Variants in SEZ6L observed in about 807,000 individuals in gnomAD.
SEZ6L encodes the protein seizure related 6 homolog like.
A neutral mutation model predicts 106.2 loss-of-function variants in SEZ6L; 37 were observed. That is an observed-to-expected ratio of 0.35 (90% CI 0.27 to 0.46). SEZ6L has a LOEUF of 0.46. SEZ6L is among the 20% of genes least tolerant of loss of function. The pLI is 1.00. For missense variants in SEZ6L, 1,172 were observed against 1,332.8 expected (o/e 0.88, Z 1.88); for synonymous variants, 541 against 570.4 (o/e 0.95, Z 0.73).
intron 11 of SEZ6L, among the ~76,000 whole-genome samples, chr22:26,348,336 A>T (rs1034286278): frequency 2.6e-5 from 4 of 151,710 alleles, no homozygotes; most frequent in African/African-American, 9.7e-5. Flanking sequence ...TCTCTAAAAA[A>T]TAATAATAAG....
chr22:26,240,782 G>A lies in SEZ6L; in HGVS notation c.95-51624G>A, dbSNP rs550646312. On this transcript the variant is annotated intron_variant, in intron 1 of 16. Coordinates refer to ENST00000248933, the MANE Select transcript of SEZ6L (RefSeq NM_021115.5). ...TTACCTTCTAATAAGGAGAGACAGA[G>A]GGTGAGAAACAAACAAACAAAAATA... is the stretch of plus-strand genomic sequence containing the variant. 4.3e-4 allele frequency among the ~76,000 whole-genome samples: 66 copies of A among 152,206 alleles called. 1 individual carries two copies. In the South Asian group the frequency reaches 0.013, roughly 31 times the overall value.
chr22:26,281,541 C>T (rs1436198866), intron 1 of SEZ6L, among the ~76,000 whole-genome samples: 1 of 151,568 alleles, frequency 6.6e-6, no homozygotes, highest in African/African-American at 2.4e-5. Context: ...TGGCCGGCTA[C>T]TTTTTTTAAA....
intron 1 of SEZ6L, among the ~76,000 whole-genome samples, chr22:26,257,481 C>A (rs1268223909): frequency 1.3e-5 from 2 of 152,150 alleles, no homozygotes; most frequent in Non-Finnish European, 2.9e-5. Context: ...TGAAAACTTG[C>A]TAAGTGCAAG....
intron 1 of SEZ6L, among the ~76,000 whole-genome samples, chr22:26,170,453 C>T (rs908089528): frequency 7.2e-4 from 109 of 151,796 alleles, no homozygotes; most frequent in African/African-American, 2.4e-3. Context: ...CCCCTACTGC[C>T]TAGCATCTCT....
chr22:26,300,967 G>C (rs1419303725), intron 5 of SEZ6L, among the ~76,000 whole-genome samples: 3 of 152,194 alleles, frequency 2.0e-5, no homozygotes, highest in African/African-American at 7.2e-5. Context: ...TTTACATTTG[G>C]CAAAATTAAA....
chr22:26,202,380 C>T (rs912637373), intron 1 of SEZ6L, among the ~76,000 whole-genome samples: 6 of 152,216 alleles, frequency 3.9e-5, no homozygotes, highest in African/African-American at 1.4e-4. Context: ...CAGGAAGGTA[C>T]AGCTGAAGCA....
chr22:26,229,138 A>G (rs2078723262), intron 1 of SEZ6L, among the ~76,000 whole-genome samples: 1 of 152,120 alleles, frequency 6.6e-6, no homozygotes, highest in African/African-American at 2.4e-5. Flanking sequence ...CTGGGATTAT[A>G]GGCATGCGCC....
At chr22:26,290,510 C>T (rs1287491429) in intron 1 of SEZ6L, among the ~76,000 whole-genome samples, 5 of 151,876 alleles carry the variant, frequency 3.3e-5, no homozygotes, top group East Asian at 1.9e-4. Context: ...CCAGCCTGGG[C>T]GACAGAGTGA....
At chr22:26,240,071 C>CAT (rs1365106419) in intron 1 of SEZ6L, among the ~76,000 whole-genome samples, 1 of 133,166 alleles carries the variant, frequency 7.5e-6, no homozygotes, top group Non-Finnish European at 1.5e-5. Flanking sequence ...CATACAGACA[C>CAT]ACACACACAC....
chr22:26,203,404 C>G (rs1388391037), intron 1 of SEZ6L, among the ~76,000 whole-genome samples: 1 of 152,178 alleles, frequency 6.6e-6, no homozygotes, highest in Non-Finnish European at 1.5e-5. Context: ...AGCTCTATCC[C>G]CCTAGCCTCT....
chr22:26,193,269 C>G (rs774743359), intron 1 of SEZ6L, among the ~76,000 whole-genome samples: 1 of 152,172 alleles, frequency 6.6e-6, no homozygotes, highest in Non-Finnish European at 1.5e-5. Flanking sequence ...GGAAAAAATT[C>G]GTGTGAGACA....
intron 1 of SEZ6L, among the ~76,000 whole-genome samples, chr22:26,234,100 C>A (rs141814916): frequency 6.6e-6 from 1 of 152,150 alleles, no homozygotes; most frequent in African/African-American, 2.4e-5. Context: ...GCATGGGGGA[C>A]GTGAATCAGC....
At chr22:26,266,943 A>G (rs2080211173) in intron 1 of SEZ6L, among the ~76,000 whole-genome samples, 1 of 152,166 alleles carries the variant, frequency 6.6e-6, no homozygotes, top group Non-Finnish European at 1.5e-5. Context: ...AGGGATGTAA[A>G]GAAGGCTTTG....
intron 6 of SEZ6L, among the ~76,000 whole-genome samples, chr22:26,308,618 A>G (rs567285144): frequency 1.3e-5 from 2 of 152,258 alleles, no homozygotes; most frequent in African/African-American, 4.8e-5. Context: ...CTTGCCTTGA[A>G]AGGTCGTAAT....
At chr22:26,368,916 G>A (rs753503588) in intron 13 of SEZ6L, among the ~76,000 whole-genome samples, 3 of 152,054 alleles carry the variant, frequency 2.0e-5, no homozygotes, top group South Asian at 2.1e-4. Flanking sequence ...ACTTGAACCC[G>A]CATCTCATGA....
chr22:26,221,740 G>GCGCA (rs34300917), intron 1 of SEZ6L, among the ~76,000 whole-genome samples: 1,710 of 149,390 alleles, frequency 0.011, 15 homozygotes, highest in Non-Finnish European at 0.017. Context: ...GCACACGCGT[G>GCGCA]CACACACACA....
chr22:26,202,882 C>T (rs1169258865), intron 1 of SEZ6L, among the ~76,000 whole-genome samples: 1 of 152,226 alleles, frequency 6.6e-6, no homozygotes, highest in Admixed American at 6.5e-5. Context: ...AATACCTTAA[C>T]ACTGGGCTGC....
Position 26,310,712 on chromosome 22 carries a change from C to G in SEZ6L, c.1557C>G (p.Leu519=). The G allele has an allele frequency of 6.2e-7, 1 of 1,614,194 alleles. No homozygotes were observed. Among genetic ancestry groups the G allele is most frequent in the South Asian group, 1.1e-5 (1 of 91,068 alleles). The change falls in exon 7 of 17, where the codon CTC becomes CTG. Residue 519 remains leucine (L), a synonymous_variant. Transcript: ENST00000248933. The part of the protein sequence containing the change: ...HSGQTNKSAL[L]YDSLQTESVP... ...GGCAGACCAACAAGTCAGCTCTTCT[C>G]TACGACTCCCTTCAAACCGAGAGTG...
rs2080599434 is a variant in SEZ6L at position 26,277,721 on chromosome 22, A to G, written c.95-14685A>G. Among the ~76,000 whole-genome samples the G allele has an allele frequency of 2.0e-5, 3 of 152,184 alleles. No individual in the cohort carries two copies. The South Asian group carries it at 6.2e-4, about 32-fold the overall frequency. On this transcript the variant is annotated intron_variant, in intron 1 of 16. Transcript: ENST00000248933. Reference sequence around the variant, plus strand: ...TCTCAGCACTGCAGGCACACTTGTGATTCATTAAATAGATGCTGACTGGGG... The same window carrying G: ...TCTCAGCACTGCAGGCACACTTGTGGTTCATTAAATAGATGCTGACTGGGG...
Sources: gnomAD v4.1 joint callset for allele counts (sites outside exome capture counted in the v4.1 genomes callset) on GRCh38, gnomAD v4.1.1 for gene constraint, MANE v1.5 for transcripts, NCBI Gene and HGNC (gene_info 2026-07-23, HGNC 2026-07-21) for gene names.